The following BSN variants were observed in gnomAD, a reference collection of about 807,000 sequenced individuals.
The protein encoded by BSN is protein bassoon.
A neutral mutation model predicts 264.8 loss-of-function variants in BSN; 57 were observed. That is an observed-to-expected ratio of 0.22 (90% CI 0.17 to 0.27). BSN has a LOEUF of 0.27. Among genes scored for constraint, BSN ranks in the 10% least tolerant of loss-of-function variants. BSN has a pLI of 1.00. For synonymous variants in BSN, 2,059 were observed against 2,137.3 expected (o/e 0.96, Z 1.01); for missense variants, 4,615 against 5,232.5 (o/e 0.88, Z 3.64).
rs779528255 is a variant in BSN, at chr3:49,652,611, G to A, written c.3055G>A (p.Ala1019Thr). 1 of 1,613,440 alleles carries A rather than the reference G, an allele frequency of 6.2e-7. No individual in the cohort carries two copies. The highest frequency in any genetic ancestry group is 1.1e-5 in the South Asian group (1 of 91,072). The change falls in exon 5 of 12, where the codon GCA becomes ACA. Residue 1019 changes from alanine to threonine, a missense_variant. Transcript: ENST00000296452. ...SPSRRQRLEE[A>T]KQQRKARHRS... ...CAGCCGCAGGCAGCGTCTAGAAGAA[G>A]CAAAGCAGCAGCGCAAGGCCCGGCA...
intron 1 of BSN, among the ~76,000 whole-genome samples, chr3:49,561,739 A>T (rs1207950322): frequency 6.6e-6 from 1 of 152,188 alleles, no homozygotes; most frequent in Non-Finnish European, 1.5e-5. Context: ...GAAATTTACA[A>T]GAATGCAATA....
chr3:49,616,982 AG>A (rs911447961), intron 1 of BSN, among the ~76,000 whole-genome samples: 12 of 152,168 alleles, frequency 7.9e-5, no homozygotes, highest in African/African-American at 2.9e-4. Context: ...TCCTGTGGCC[AG>A]GGGGCTCCTT....
chr3:49,615,003 A>G (rs907706444), intron 1 of BSN, among the ~76,000 whole-genome samples: 6 of 152,116 alleles, frequency 3.9e-5, no homozygotes, highest in Non-Finnish European at 8.8e-5. Flanking sequence ...CTTCTAGCCT[A>G]TGTTTAATGG....
intron 1 of BSN, among the ~76,000 whole-genome samples, chr3:49,583,898 G>A (rs1484254982): frequency 6.6e-6 from 1 of 151,946 alleles, no homozygotes; most frequent in Non-Finnish European, 1.5e-5. Context: ...TATCAAGATG[G>A]AGTCTCGCAC....
chr3:49,620,441 TAAAGAAAAAAAAAAG>T (rs2052295953), intron 1 of BSN, among the ~76,000 whole-genome samples: 1 of 110,560 alleles, frequency 9.0e-6, no homozygotes, highest in African/African-American at 3.5e-5. Flanking sequence ...AAAACAAAAC[TAAAGAAAAAAAAAAG>T]AAAAAAAAAA....
intron 1 of BSN, among the ~76,000 whole-genome samples, chr3:49,596,269 T>C (rs1001382584): frequency 3.9e-5 from 6 of 152,056 alleles, no homozygotes; most frequent in Non-Finnish European, 7.4e-5. Context: ...CCGGGTGTGG[T>C]GGCGGGTGCC....
At position 49,669,749 on chromosome 3, in the gene BSN, T is replaced by G. The variant is rs900604239; in HGVS notation, c.*2264T>G. 6.6e-6 allele frequency: 1 copy of G among 152,300 alleles called. No homozygotes were observed. The highest frequency in any genetic ancestry group is 2.4e-5 in the African/African-American group (1 of 41,472). The allele number at this position is 152,300 out of a possible 1,614,324, so 9.4% of individuals were successfully genotyped here. A position where few individuals can be genotyped will look rare whatever the true frequency, so the allele number is the denominator to read the frequency against. On this transcript the variant is annotated 3_prime_UTR_variant, in exon 12 of 12. Transcript: ENST00000296452. ...ATATAAACAGTGGCTTCAAGCTAAGTTTCTTGTGAAGTTTCTCAATAGCAA... is the reference window on the plus strand; with the variant it reads ...ATATAAACAGTGGCTTCAAGCTAAGGTTCTTGTGAAGTTTCTCAATAGCAA...
Position 49,662,922 on chromosome 3 carries a change from G to A in BSN, c.10764G>A (p.Arg3588=). The change falls in exon 7 of 12, where the codon CGG becomes CGA. Residue 3588 remains arginine, a synonymous_variant. Transcript: ENST00000296452. ...QEETDWFDKP[R]DARSDRFRHH... ...AGACGGACTGGTTTGATAAGCCCCG[G>A]GATGCCCGCTCTGACCGGTTCAGGC... The A allele has an allele frequency of 1.2e-6, 2 of 1,610,288 alleles. No homozygotes were observed. Among genetic ancestry groups the A allele is most frequent in the Non-Finnish European group, 1.7e-6 (2 of 1,178,084 alleles).
At chr3:49,568,451 C>A (rs1183184841) in intron 1 of BSN, among the ~76,000 whole-genome samples, 1 of 152,086 alleles carries the variant, frequency 6.6e-6, no homozygotes, top group African/African-American at 2.4e-5. Flanking sequence ...ATTCTCTTTG[C>A]CTTTCTGATA....
chr3:49,595,672 T>G (rs2052017684), intron 1 of BSN, among the ~76,000 whole-genome samples: 1 of 152,204 alleles, frequency 6.6e-6, no homozygotes, highest in African/African-American at 2.4e-5. Flanking sequence ...AAATGTTTTT[T>G]AAGTGTATTC....
chr3:49,615,983 GT>G (rs2052256778), intron 1 of BSN, among the ~76,000 whole-genome samples: 1 of 152,210 alleles, frequency 6.6e-6, no homozygotes, highest in African/African-American at 2.4e-5. Flanking sequence ...GGAAATTTCT[GT>G]TTATATTTAT....
chr3:49,599,787 G>C (rs890236647), intron 1 of BSN, among the ~76,000 whole-genome samples: 10 of 152,124 alleles, frequency 6.6e-5, no homozygotes, highest in Admixed American at 6.5e-4. Context: ...AAAATATACT[G>C]TAACTCCTCA....
rs777751045 is a variant in BSN at position 49,663,420 on chromosome 3, A to G, written c.11262A>G (p.Pro3754=). The G allele has an allele frequency of 8.7e-6, 14 of 1,612,780 alleles. No homozygotes were observed. The African/African-American group carries it at 1.5e-4, about 17-fold the overall frequency. Residue 3754 remains proline, a synonymous_variant, in exon 7 of 12, where the codon CCA becomes CCG. Transcript: ENST00000296452. ...QPQLQGRQAA[P]GPQQSQSPSS... is the part of the protein sequence containing the mutation. ...AGCTGCAAGGTCGGCAGGCAGCTCCAGGACCACAGCAGTCACAGTCACCAT... is the reference window on the plus strand; with the variant it reads ...AGCTGCAAGGTCGGCAGGCAGCTCCGGGACCACAGCAGTCACAGTCACCAT...
intron 1 of BSN, among the ~76,000 whole-genome samples, chr3:49,596,144 C>A (rs2052020659): frequency 6.6e-6 from 1 of 152,110 alleles, no homozygotes; most frequent in South Asian, 2.1e-4. Flanking sequence ...GTGGCTCATG[C>A]CTGTAATCTC....
Position 49,654,128 on chromosome 3 carries a change from C to A in BSN, c.4572C>A (p.Pro1524=), listed in dbSNP as rs199524662. ...ACATGCCACGGAGCCCTGGTGCCCC[C>A]ACTCCATCACCTATGGTAGCCCAGG... The part of the protein sequence containing the change: ...ASDMPRSPGA[P]TPSPMVAQGT... Residue 1524 remains proline, a synonymous_variant, in exon 5 of 12, where the codon CCC becomes CCA. Coordinates refer to ENST00000296452, the MANE Select transcript of BSN (RefSeq NM_003458.4). The surrounding 1 kb of genome is among the most constrained non-coding windows in gnomAD (Gnocchi z 4.1). 5.3e-5 allele frequency: 86 copies of A among 1,614,058 alleles called. 1 individual carries two copies. In the East Asian group the frequency reaches 1.1e-3, roughly 21 times the overall value.
rs371074643 is a variant in BSN at position 49,663,018 on chromosome 3, C to T, written c.10860C>T (p.Tyr3620=). The T allele has an allele frequency of 5.3e-5, 86 of 1,613,862 alleles. No homozygotes were observed. Among genetic ancestry groups the T allele is most frequent in the Non-Finnish European group, 6.7e-5 (79 of 1,180,036 alleles). The change falls in exon 7 of 12, where the codon TAC becomes TAT. Residue 3620 remains tyrosine, a synonymous_variant. Coordinates refer to ENST00000296452, the MANE Select transcript of BSN (RefSeq NM_003458.4). ...CTGCCAGGCACAGCTACCATGACTA[C>T]GATGAACCCCCTGAGGAGGGCCTGT... The part of the protein sequence containing the change: ...RGPARHSYHD[Y]DEPPEEGLWP...
In BSN at chr3:49,654,334, G is replaced by C. The variant is rs1279683291; in HGVS notation, c.4778G>C (p.Gly1593Ala). Residue 1593 changes from glycine (G) to alanine (A), a missense_variant, in exon 5 of 12, where the codon GGC (glycine) becomes GCC (alanine). Transcript: ENST00000296452. The surrounding 1 kb of genome is among the most constrained non-coding windows in gnomAD (Gnocchi z 4.1). ...ACTGAAACCCAGCCCACCACCCATG[G>C]CTACAGCCAGACAACACCTCCGAGT... is the stretch of plus-strand genomic sequence containing the variant. ...SPTETQPTTH[G>A]YSQTTPPSVS... is the part of the protein sequence containing the mutation. 1 of 1,613,324 alleles carries C rather than the reference G, an allele frequency of 6.2e-7. No individual in the cohort carries two copies. Among genetic ancestry groups the C allele is most frequent in the Non-Finnish European group, 8.5e-7 (1 of 1,179,888 alleles).
At chr3:49,634,578 A>C (rs1575443372) in intron 2 of BSN, among the ~76,000 whole-genome samples, 1 of 152,108 alleles carries the variant, frequency 6.6e-6, no homozygotes, top group Non-Finnish European at 1.5e-5. Context: ...TTTTAGTAGA[A>C]ATGGGGTTTC....
chr3:49,659,674 G>C (rs1294736368), intron 5 of BSN, among the ~76,000 whole-genome samples: 3 of 152,162 alleles, frequency 2.0e-5, no homozygotes, highest in Admixed American at 6.5e-5. Context: ...AGGCAATGCA[G>C]AGTGTCTAGG....
Sources: gnomAD v4.1 joint callset for allele counts (sites outside exome capture counted in the v4.1 genomes callset) on GRCh38, gnomAD v4.1.1 for gene constraint, Gnocchi (gnomAD v3.1) non-coding constraint, MANE v1.5 for transcripts, NCBI Gene and HGNC (gene_info 2026-07-23, HGNC 2026-07-21) for gene names.